Variants in SSH2 observed in about 807,000 individuals in gnomAD.
SSH2 encodes protein phosphatase Slingshot homolog 2.
SSH2 carries 37 observed loss-of-function variants against 135.2 expected under a neutral mutation model. The observed-to-expected ratio is 0.27, with a 90% CI of 0.21 to 0.36. The LOEUF (loss-of-function observed/expected upper bound fraction) is 0.36, where lower values mean the gene tolerates loss of function less well. SSH2 is among the 10% of genes least tolerant of loss of function. The probability of loss-of-function intolerance (pLI) is 1.00; values close to 1 mark genes in which losing one functional copy is unlikely to be tolerated. For missense variants in SSH2, 1,408 were observed against 1,765.3 expected, an observed-to-expected ratio of 0.80 and a Z score of 3.63; for synonymous variants, 628 against 646.2, an observed-to-expected ratio of 0.97 and a Z score of 0.43.
chr17:29,784,926 A>G (rs2041928518), intron 3 of SSH2, among the ~76,000 whole-genome samples: 1 of 152,114 alleles, frequency 6.6e-6, no homozygotes, highest in South Asian at 2.1e-4. Flanking sequence ...CCTCTGCTGC[A>G]AATTTTATTT....
At chr17:29,898,862 T>C (rs1031596679) in intron 1 of SSH2, among the ~76,000 whole-genome samples, 3 of 152,316 alleles carry the variant, frequency 2.0e-5, no homozygotes, top group South Asian at 2.1e-4. Flanking sequence ...CTGATGAACA[T>C]TGATGCAAAA....
intron 1 of SSH2, among the ~76,000 whole-genome samples, chr17:29,865,872 G>A (rs955595829): frequency 5.3e-5 from 8 of 152,088 alleles, no homozygotes; most frequent in African/African-American, 9.7e-5. Flanking sequence ...AGGCTGAGGC[G>A]GGCGGATTAC....
rs948975522 is a variant in SSH2, at chr17:29,628,785, A to G, written c.*2056T>C. 21 of 152,266 alleles carry G rather than the reference A, an allele frequency of 1.4e-4. No homozygotes were observed. Among genetic ancestry groups the G allele is most frequent in the African/African-American group, 5.1e-4 (21 of 41,474 alleles). The allele number at this position is 152,266 out of a possible 1,614,324, so 9.4% of individuals were successfully genotyped here. On this transcript the variant is annotated 3_prime_UTR_variant, in exon 16 of 16. Transcript: ENST00000540801. ...ACAGGGTACACATAATCACTGCACC[A>G]TAGAGACGCTTTTAGCAAGTGGTTT... is the stretch of plus-strand genomic sequence containing the variant.
At chr17:29,765,570 T>C (rs532337236) in intron 3 of SSH2, among the ~76,000 whole-genome samples, 1 of 152,254 alleles carries the variant, frequency 6.6e-6, no homozygotes, top group East Asian at 1.9e-4. Flanking sequence ...ATCTGAAAAA[T>C]AGCTAAAGTG....
At chr17:29,652,335 C>T (rs745390500) in intron 12 of SSH2, among the ~76,000 whole-genome samples, 5 of 152,064 alleles carry the variant, frequency 3.3e-5, no homozygotes, top group Admixed American at 6.5e-5. Context: ...CGAAGAGTGG[C>T]TCTTTGTTAG....
At chr17:29,880,047 C>T (rs545571262) in intron 1 of SSH2, among the ~76,000 whole-genome samples, 2 of 152,332 alleles carry the variant, frequency 1.3e-5, no homozygotes, top group South Asian at 4.1e-4. Flanking sequence ...CTAGGATGAA[C>T]AGCCTTCTAG....
intron 2 of SSH2, among the ~76,000 whole-genome samples, chr17:29,808,708 T>C (rs529635517): frequency 6.6e-6 from 1 of 152,254 alleles, no homozygotes; most frequent in African/African-American, 2.4e-5. Context: ...TTTATCCCTT[T>C]AAAGTCAGAG....
At chr17:29,927,946 C>G (rs1338201394) in intron 1 of SSH2, among the ~76,000 whole-genome samples, 2 of 152,186 alleles carry the variant, frequency 1.3e-5, no homozygotes. Flanking sequence ...CCTCAAGATT[C>G]TAAAGTAACT....
intron 6 of SSH2, among the ~76,000 whole-genome samples, chr17:29,681,992 T>G (rs2151071864): frequency 6.6e-6 from 1 of 152,326 alleles, no homozygotes; most frequent in South Asian, 2.1e-4. Flanking sequence ...GCTTTTCATG[T>G]TTTAAGTTTG....
At chr17:29,659,992 A>G (rs948409229) in intron 11 of SSH2, among the ~76,000 whole-genome samples, 1 of 147,950 alleles carries the variant, frequency 6.8e-6, no homozygotes, top group African/African-American at 2.5e-5. Context: ...CATCATACCC[A>G]GCTAATTTTT....
chr17:29,653,032 C>T lies in SSH2; in HGVS notation c.1080-2232G>A, dbSNP rs181265419. On this transcript the variant is annotated intron_variant, in intron 12 of 15. Coordinates refer to ENST00000540801, the MANE Select transcript of SSH2 (RefSeq NM_001282129.2). The stretch of plus-strand genomic sequence containing the variant: ...ACCTCATAATAAATTATGGCACTAT[C>T]TTTCTAGAGGCAGGACACAGCTTCC... Among the ~76,000 whole-genome samples, 64 of 152,302 alleles carry T rather than the reference C, an allele frequency of 4.2e-4. 1 individual carries two copies. The highest frequency in any genetic ancestry group is 4.1e-3 in the Admixed American group (62 of 15,292).
chr17:29,758,201 GCAGT>G (rs944486143), intron 3 of SSH2, among the ~76,000 whole-genome samples: 1 of 152,196 alleles, frequency 6.6e-6, no homozygotes, highest in Non-Finnish European at 1.5e-5. Context: ...GAAGATTTCA[GCAGT>G]CAAAGATAAT....
intron 3 of SSH2, among the ~76,000 whole-genome samples, chr17:29,718,362 GT>G (rs1486882025): frequency 3.9e-5 from 6 of 152,076 alleles, no homozygotes; most frequent in Admixed American, 2.0e-4. Flanking sequence ...TCACCATCCT[GT>G]ATGTTGATGA....
chr17:29,813,471 A>T (rs2151330199), intron 2 of SSH2, among the ~76,000 whole-genome samples: 1 of 152,214 alleles, frequency 6.6e-6, no homozygotes, highest in South Asian at 2.1e-4. Flanking sequence ...AAAACAAAAA[A>T]TTTAAAAAAC....
At chr17:29,823,649 G>A (rs1461450958) in intron 2 of SSH2, among the ~76,000 whole-genome samples, 3 of 152,032 alleles carry the variant, frequency 2.0e-5, no homozygotes, top group South Asian at 4.1e-4. Flanking sequence ...AGGCCAAGGT[G>A]GGCAGATCAC....
At chr17:29,914,115 G>T (rs950156597) in intron 1 of SSH2, among the ~76,000 whole-genome samples, 2 of 152,116 alleles carry the variant, frequency 1.3e-5, no homozygotes, top group Non-Finnish European at 2.9e-5. Flanking sequence ...TCTTACAAGT[G>T]TATATCTTAT....
At chr17:29,662,348 A>C (rs774556406) in intron 11 of SSH2, among the ~76,000 whole-genome samples, 4 of 152,226 alleles carry the variant, frequency 2.6e-5, no homozygotes, top group Non-Finnish European at 5.9e-5. Flanking sequence ...AGTTCTGCTA[A>C]GATAAATATA....
At chr17:29,698,458 A>G (rs538648387) in intron 4 of SSH2, among the ~76,000 whole-genome samples, 1 of 152,174 alleles carries the variant, frequency 6.6e-6, no homozygotes, top group African/African-American at 2.4e-5. Context: ...TACAAGTTGC[A>G]ACTGAGTTAA....
chr17:29,671,817 C>T, intron 9 of SSH2, 118 bp downstream of exon 9: 2 of 849,054 alleles, frequency 2.4e-6, no homozygotes, highest in Admixed American at 2.3e-5. Context: ...TTCACAATGA[C>T]TAATATTCCT....
Sources: gnomAD v4.1 joint callset for allele counts (sites outside exome capture counted in the v4.1 genomes callset) on GRCh38, gnomAD v4.1.1 for gene constraint, MANE v1.5 for transcripts, NCBI Gene and HGNC (gene_info 2026-07-23, HGNC 2026-07-21) for gene names.